The following CNTNAP2 variants were observed in gnomAD, a reference collection of about 807,000 sequenced individuals.
CNTNAP2 encodes the protein contactin-associated protein-like 2.
In CNTNAP2, 98 loss-of-function variants were observed where a neutral mutation model predicts 155.2. The ratio of observed to expected loss-of-function variants is 0.63; its 90% CI spans 0.54 to 0.75. CNTNAP2 has a LOEUF of 0.75. CNTNAP2 is among the 30% of genes least tolerant of loss of function. CNTNAP2 has a pLI of 0.00. For synonymous variants in CNTNAP2, 651 were observed against 631.2 expected (o/e 1.03, Z -0.47); for missense variants, 1,727 against 1,688.1 (o/e 1.02, Z -0.40).
intron 1 of CNTNAP2, among the ~76,000 whole-genome samples, chr7:146,631,551 A>G (rs1799511447): frequency 6.6e-6 from 1 of 152,038 alleles, no homozygotes; most frequent in Non-Finnish European, 1.5e-5. Flanking sequence ...AAGACAAATG[A>G]CCCCAGGTTC....
At chr7:147,899,820 G>A (rs370147535) in intron 13 of CNTNAP2, among the ~76,000 whole-genome samples, 6 of 151,988 alleles carry the variant, frequency 3.9e-5, no homozygotes, top group Admixed American at 1.3e-4. Flanking sequence ...GGGAGGCAGC[G>A]GTTACAGTGA....
Position 148,412,514 on chromosome 7 carries a change from G to A in CNTNAP2, c.3797-2903G>A, listed in dbSNP as rs115156357. Among the ~76,000 whole-genome samples, 559 of 152,236 alleles carry A rather than the reference G, an allele frequency of 3.7e-3. 1 individual carries two copies. Among genetic ancestry groups the A allele is most frequent in the African/African-American group, 0.013 (524 of 41,540 alleles). ...TTCATTTTCTAAGTGTCTCTCTCTGGCATATAAAAGTATAATTGATCTTTT... is the reference window on the plus strand; with the variant it reads ...TTCATTTTCTAAGTGTCTCTCTCTGACATATAAAAGTATAATTGATCTTTT... On this transcript the variant is annotated intron_variant, in intron 23 of 23. Coordinates refer to ENST00000361727, the MANE Select transcript of CNTNAP2 (RefSeq NM_014141.6).
At chr7:146,419,422 A>G (rs564510556) in intron 1 of CNTNAP2, among the ~76,000 whole-genome samples, 67 of 152,082 alleles carry the variant, frequency 4.4e-4, no homozygotes, top group African/African-American at 1.6e-3. Flanking sequence ...AGGACAATAA[A>G]TTTTTCTTGT....
intron 4 of CNTNAP2, chr7:147,080,784 A>C (rs998138096): frequency 6.6e-6 from 1 of 151,096 alleles, no homozygotes; most frequent in Non-Finnish European, 1.5e-5. Flanking sequence ...GTCAATTAGA[A>C]TCAGTCTCCC....
chr7:147,014,733 A>T (rs1584784063), intron 3 of CNTNAP2, among the ~76,000 whole-genome samples: 2 of 152,270 alleles, frequency 1.3e-5, no homozygotes, highest in Middle Eastern at 3.4e-3. Flanking sequence ...AAGGCGGTTA[A>T]TCCGGAGTGA....
chr7:148,108,535 TGG>T (rs982281568), intron 15 of CNTNAP2, among the ~76,000 whole-genome samples: 2 of 152,128 alleles, frequency 1.3e-5, no homozygotes, highest in African/African-American at 4.8e-5. Context: ...CTGTCAATCC[TGG>T]GGTTTGCTGC....
At chr7:147,464,158 A>G (rs1798072006) in intron 10 of CNTNAP2, among the ~76,000 whole-genome samples, 1 of 152,028 alleles carries the variant, frequency 6.6e-6, no homozygotes, top group African/African-American at 2.4e-5. Flanking sequence ...GTAACTTATG[A>G]CAATTCTGTG....
At chr7:147,535,095 A>T (rs951261607) in intron 11 of CNTNAP2, among the ~76,000 whole-genome samples, 1 of 152,128 alleles carries the variant, frequency 6.6e-6, no homozygotes, top group Non-Finnish European at 1.5e-5. Context: ...AACATCTGAT[A>T]ACAATAGGTG....
chr7:146,817,409 T>G (rs1311112348), intron 2 of CNTNAP2, among the ~76,000 whole-genome samples: 1 of 151,832 alleles, frequency 6.6e-6, no homozygotes, highest in Non-Finnish European at 1.5e-5. Context: ...GAGGCGGAAG[T>G]TGCAGTGAGC....
chr7:147,947,549 A>G (rs532766845), intron 14 of CNTNAP2, among the ~76,000 whole-genome samples: 1 of 151,836 alleles, frequency 6.6e-6, no homozygotes. Context: ...GAATTGCTTA[A>G]GCCAGGGAGG....
At chr7:146,628,089 A>G (rs189389490) in intron 1 of CNTNAP2, among the ~76,000 whole-genome samples, 1 of 152,270 alleles carries the variant, frequency 6.6e-6, no homozygotes, top group East Asian at 1.9e-4. Context: ...TGATATCCAT[A>G]CTTGTTCATA....
At chr7:147,333,553 A>C (rs1056763910) in intron 9 of CNTNAP2, among the ~76,000 whole-genome samples, 1 of 152,206 alleles carries the variant, frequency 6.6e-6, no homozygotes. Flanking sequence ...GATAGTAGTA[A>C]ATTTTACTTA....
intron 14 of CNTNAP2, among the ~76,000 whole-genome samples, chr7:147,977,601 G>A (rs770679009): frequency 2.0e-5 from 3 of 152,152 alleles, no homozygotes; most frequent in Admixed American, 6.5e-5. Context: ...AAAAGAGTAC[G>A]CAGCATAATG....
At chr7:147,977,483 A>G (rs187536497) in intron 14 of CNTNAP2, among the ~76,000 whole-genome samples, 4 of 152,204 alleles carry the variant, frequency 2.6e-5, no homozygotes, top group Admixed American at 2.0e-4. Context: ...TTTGTTTCAC[A>G]TATTATTCAA....
At chr7:148,042,563 C>G (rs76011199) in intron 15 of CNTNAP2, among the ~76,000 whole-genome samples, 6,169 of 152,274 alleles carry the variant, frequency 0.041, 163 homozygotes, top group South Asian at 0.12. Context: ...GTTCTGCTAA[C>G]TTGGTCTACC....
chr7:147,883,744 ATT>A (rs1392637438), intron 13 of CNTNAP2, among the ~76,000 whole-genome samples: 1 of 152,018 alleles, frequency 6.6e-6, no homozygotes, highest in Non-Finnish European at 1.5e-5. Flanking sequence ...TTTAAAATTT[ATT>A]TTCTCTTTTT....
rs560914147 is a variant in CNTNAP2, at chr7:147,127,136, G to A, written c.940-1557G>A. Among the ~76,000 whole-genome samples, 4 of 152,250 alleles carry A rather than the reference G, an allele frequency of 2.6e-5. No homozygotes were observed. The South Asian group carries it at 8.3e-4, about 32-fold the overall frequency. On this transcript the variant is annotated intron_variant, in intron 6 of 23. Coordinates refer to ENST00000361727, the MANE Select transcript of CNTNAP2 (RefSeq NM_014141.6). ...AGTACTCCATTTTAGTATCAAAAAT[G>A]ATTGCCTTTGGTACTAGGCACACTT...
chr7:147,484,830 C>A (rs1798483610), intron 10 of CNTNAP2, among the ~76,000 whole-genome samples: 1 of 152,198 alleles, frequency 6.6e-6, no homozygotes, highest in South Asian at 2.1e-4. Context: ...TTGCCAGTGA[C>A]CCATGATTAT....
chr7:147,442,244 C>T (rs1797654064), intron 10 of CNTNAP2, among the ~76,000 whole-genome samples: 1 of 152,178 alleles, frequency 6.6e-6, no homozygotes, highest in South Asian at 2.1e-4. Flanking sequence ...CCACTCTTCT[C>T]TCCCCTTTCC....
Sources: gnomAD v4.1 joint callset for allele counts (sites outside exome capture counted in the v4.1 genomes callset) on GRCh38, gnomAD v4.1.1 for gene constraint, MANE v1.5 for transcripts, NCBI Gene and HGNC (gene_info 2026-07-23, HGNC 2026-07-21) for gene names.